The following CARM1 variants were observed in gnomAD, a reference collection of about 807,000 sequenced individuals.
The protein encoded by CARM1 is coactivator associated arginine methyltransferase 1, also known as histone-arginine methyltransferase CARM1.
In CARM1, 14 loss-of-function variants were observed where a neutral mutation model predicts 72.7. That is an observed-to-expected ratio of 0.19 (90% CI 0.13 to 0.30). The LOEUF (loss-of-function observed/expected upper bound fraction) is 0.30. Ranked by LOEUF, CARM1 falls within the 10% of genes least tolerant of loss-of-function variation. The probability of loss-of-function intolerance (pLI) is 1.00; values close to 1 mark genes in which losing one functional copy is unlikely to be tolerated. For synonymous variants in CARM1, 333 were observed against 345.5 expected (o/e 0.96, Z 0.40); for missense variants, 432 against 833.7 (o/e 0.52, Z 5.93).
At chr19:10,890,794 TA>T (rs1318998781) in intron 1 of CARM1, among the ~76,000 whole-genome samples, 911 of 80,190 alleles carry the variant, frequency 0.011, 18 homozygotes, top group African/African-American at 0.014. Flanking sequence ...TATATATATA[TA>T]TTTTTTTTTT....
intron 1 of CARM1, among the ~76,000 whole-genome samples, chr19:10,873,068 C>G (rs544962191): frequency 2.0e-4 from 31 of 152,220 alleles, no homozygotes; most frequent in African/African-American, 7.5e-4. Flanking sequence ...GAGCCTGGGT[C>G]TTCTTGGACC....
In CARM1 at chr19:10,873,709, G is replaced by A. The variant is rs539774325; in HGVS notation, c.220+1787G>A. 2.7e-3 allele frequency among the ~76,000 whole-genome samples: 329 copies of A among 121,868 alleles called. 6 individuals carry two copies. The South Asian group carries it at 0.056, about 21-fold the overall frequency. 80.0% of individuals were successfully genotyped at this position (121,868 alleles called of 152,430 possible). ...GGCTGAAGTGCAGTGGCTCAATCTC[G>A]GCTCACTGCAAGCTCTGCCACCTGG... On this transcript the variant is annotated intron_variant, in intron 1 of 15. Transcript: ENST00000327064.
rs1169565864 is a variant in CARM1, at chr19:10,873,624, G to GTTTTTTT, written c.220+1729_220+1735dup. Reference sequence around the variant, plus strand: ...TTTTTTTTAGAACAATTTTAGTTTAGTTTTTTTTTTTTTTTTTTTTTTTTT... The same window carrying GTTTTTTT: ...TTTTTTTTAGAACAATTTTAGTTTAGTTTTTTTTTTTTTTTTTTTTTTTTTTTTTTTT... On this transcript the variant is annotated intron_variant, in intron 1 of 15. Coordinates refer to ENST00000327064, the MANE Select transcript of CARM1 (RefSeq NM_199141.2). Among the ~76,000 whole-genome samples, 159 of 47,354 alleles carry GTTTTTTT rather than the reference G, an allele frequency of 3.4e-3. 10 individuals are homozygous for GTTTTTTT. The highest frequency in any genetic ancestry group is 6.3e-3 in the Admixed American group (17 of 2,678). 31.1% of individuals were successfully genotyped at this position (47,354 alleles called of 152,430 possible). A position where few individuals can be genotyped will look rare whatever the true frequency, so the allele number is the denominator to read the frequency against.
At chr19:10,888,890 C>T (rs1047662957) in intron 1 of CARM1, among the ~76,000 whole-genome samples, 4 of 151,864 alleles carry the variant, frequency 2.6e-5, no homozygotes, top group South Asian at 2.1e-4. Context: ...GGTTGCCCTT[C>T]GCACACCCCA....
rs186069859 is a variant in CARM1 at position 10,914,728 on chromosome 19, G to A, written c.847+674G>A. Among the ~76,000 whole-genome samples, 9 of 152,274 alleles carry A rather than the reference G, an allele frequency of 5.9e-5. No individual in the cohort carries two copies. In the East Asian group the frequency reaches 1.4e-3, roughly 23 times the overall value. ...GCACCACCACGCCCAGCTAAGTTTT[G>A]TATTTTTAGTAGAGATGGGGTTTCA... On this transcript the variant is annotated intron_variant, in intron 6 of 15. Coordinates refer to ENST00000327064, the MANE Select transcript of CARM1 (RefSeq NM_199141.2).
At chr19:10,900,402 C>T (rs1027589310) in intron 1 of CARM1, among the ~76,000 whole-genome samples, 1 of 152,190 alleles carries the variant, frequency 6.6e-6, no homozygotes, top group Non-Finnish European at 1.5e-5. Context: ...TCTCAGCCAC[C>T]AGCAGTGTGC....
At chr19:10,907,593 T>C (rs2074114610) in intron 2 of CARM1, among the ~76,000 whole-genome samples, 1 of 152,194 alleles carries the variant, frequency 6.6e-6, no homozygotes, top group African/African-American at 2.4e-5. Flanking sequence ...GCCTCTACTG[T>C]GCTTTTCTGT....
In CARM1 at chr19:10,920,958, C is replaced by T; in HGVS notation, c.1537+12C>T. 4 of 1,612,980 alleles carry T rather than the reference C, an allele frequency of 2.5e-6. No homozygotes were observed. The highest frequency in any genetic ancestry group is 3.4e-6 in the Non-Finnish European group (4 of 1,178,912). On this transcript the variant is annotated intron_variant, in intron 13 of 15. Coordinates refer to ENST00000327064, the MANE Select transcript of CARM1 (RefSeq NM_199141.2). This position sits in a 1 kb window ranked among gnomAD's most constrained non-coding sequence, Gnocchi z 5.3. ...GATGGCCGTGGCAGGTGAGCAGGGCCCACCCCAATGCCCAGCCAACCCGGG... is the reference window on the plus strand; with the variant it reads ...GATGGCCGTGGCAGGTGAGCAGGGCTCACCCCAATGCCCAGCCAACCCGGG...
chr19:10,912,087 C>CA lies in CARM1; in HGVS notation c.559-96dup. The CA allele has an allele frequency of 1.1e-6, 1 of 886,296 alleles. No individual in the cohort carries two copies. Among genetic ancestry groups the CA allele is most frequent in the Non-Finnish European group, 1.9e-6 (1 of 518,570 alleles). The allele number at this position is 886,296 out of a possible 1,614,324, so 54.9% of individuals were successfully genotyped here. Reference sequence around the variant, plus strand: ...AAAGGGCAAACATTGAGAGTGAAGACAGACGCCTCATGATGTGCACATCCC... The same window carrying CA: ...AAAGGGCAAACATTGAGAGTGAAGACAAGACGCCTCATGATGTGCACATCCC... On this transcript the variant is annotated intron_variant, in intron 4 of 15. Coordinates refer to ENST00000327064, the MANE Select transcript of CARM1 (RefSeq NM_199141.2). This position sits in a 1 kb window ranked among gnomAD's most constrained non-coding sequence, Gnocchi z 4.5.
intron 2 of CARM1, 23 bp downstream of exon 2, chr19:10,905,099 C>T (rs768505903): frequency 1.6e-5 from 26 of 1,610,222 alleles, no homozygotes; most frequent in East Asian, 6.7e-5. Flanking sequence ...CCTTCCATTC[C>T]GGTGACACCA....
At chr19:10,903,663 C>T (rs954138396) in intron 1 of CARM1, among the ~76,000 whole-genome samples, 8 of 151,710 alleles carry the variant, frequency 5.3e-5, no homozygotes, top group Admixed American at 2.6e-4. Context: ...TGGGCTCAAG[C>T]GATCCTCCCA....
At position 10,905,074 on chromosome 19, in the gene CARM1, A is replaced by G. The variant is rs746151376; in HGVS notation, c.344A>G (p.Asn115Ser). ...NSVLIQFATP[N>S]DFCSFYNILK... is the part of the protein sequence containing the mutation. ...GTCCTCATCCAGTTCGCCACACCCA[A>G]CGGTACGTGGCCCTCCTTCCATTCC... Residue 115 changes from asparagine to serine, a missense_variant and splice_region_variant, in exon 2 of 16, where the codon AAC becomes AGC. Physicochemically the swap from Asn to Ser is conservative, Grantham distance 46. Coordinates refer to ENST00000327064, the MANE Select transcript of CARM1 (RefSeq NM_199141.2). 16 of 1,613,352 alleles carry G rather than the reference A, an allele frequency of 9.9e-6. No homozygotes were observed. The highest frequency in any genetic ancestry group is 1.4e-5 in the Non-Finnish European group (16 of 1,179,898).
chr19:10,871,911 C>A lies in CARM1; in HGVS notation c.209C>A (p.Ala70Asp). The change falls in exon 1 of 16, where the codon GCC becomes GAC. Residue 70 changes from alanine (A) to aspartate (D), a missense_variant. By Grantham distance (126) the Ala-to-Asp change is moderately radical. Around this residue, in one of 3 missense-constraint regions of CARM1, gnomAD observed 138 missense variants for 192.3 expected, o/e 0.72. Transcript: ENST00000327064. The surrounding 1 kb of genome is among the most constrained non-coding windows in gnomAD (Gnocchi z 5.6). Reference sequence around the variant, plus strand: ...GCCGGCCCGGACTCGGCGGGCATCGCCCTCTACAGCCGTGAGTACGGGGCC... The same window carrying A: ...GCCGGCCCGGACTCGGCGGGCATCGACCTCTACAGCCGTGAGTACGGGGCC... ...VRAGPDSAGI[A>D]LYSHEDVCVF... 1 of 1,213,254 alleles carries A rather than the reference C, an allele frequency of 8.2e-7. No homozygotes were observed. Among genetic ancestry groups the A allele is most frequent in the South Asian group, 3.1e-5 (1 of 32,402 alleles). The allele number at this position is 1,213,254 out of a possible 1,614,324, so 75.2% of individuals were successfully genotyped here.
intron 1 of CARM1, among the ~76,000 whole-genome samples, chr19:10,886,968 G>T (rs568937418): frequency 6.6e-6 from 1 of 152,216 alleles, no homozygotes; most frequent in African/African-American, 2.4e-5. Context: ...TCCTGCCTCG[G>T]TGTCCCGAGG....
At chr19:10,883,465 C>G (rs2073916977) in intron 1 of CARM1, among the ~76,000 whole-genome samples, 1 of 152,200 alleles carries the variant, frequency 6.6e-6, no homozygotes, top group Admixed American at 6.5e-5. Flanking sequence ...GCTTGGGGAG[C>G]TTCACGTTTC....
rs1169565864 is a variant in CARM1, at chr19:10,873,624, GTTTTTTTTTTTTTTTTTTTTT to G, written c.220+1715_220+1735del. ...TTTTTTTTAGAACAATTTTAGTTTA[GTTTTTTTTTTTTTTTTTTTTT>G]TTTTTTTTTTTTGAGACAGAGTCTT... is the stretch of plus-strand genomic sequence containing the variant. On this transcript the variant is annotated intron_variant, in intron 1 of 15. Transcript: ENST00000327064. Among the ~76,000 whole-genome samples the G allele has an allele frequency of 4.0e-4, 19 of 47,348 alleles. 1 individual carries two copies. Among genetic ancestry groups the G allele is most frequent in the Middle Eastern group, 0.029 (1 of 34 alleles). The allele number at this position is 47,348 out of a possible 152,430, so 31.1% of individuals were successfully genotyped here.
chr19:10,916,741 T>G lies in CARM1; in HGVS notation c.984T>G (p.Gly328=), dbSNP rs1298460516. 6.4e-7 allele frequency: 1 copy of G among 1,552,768 alleles called. No individual in the cohort carries two copies. The highest frequency in any genetic ancestry group is 8.7e-7 in the Non-Finnish European group (1 of 1,148,080). The change falls in exon 8 of 16, where the codon GGT becomes GGG. Residue 328 remains glycine, a synonymous_variant. Coordinates refer to ENST00000327064, the MANE Select transcript of CARM1 (RefSeq NM_199141.2). This position sits in a 1 kb window ranked among gnomAD's most constrained non-coding sequence, Gnocchi z 4.4. ...FHGVDLSALR[G]AAVDEYFRQP... is the part of the protein sequence containing the mutation. ...GAGTGGACCTGTCGGCCCTCCGAGG[T>G]GCCGCGGTGGATGAGTATTTCCGGC...
At chr19:10,873,463 G>C (rs550495525) in intron 1 of CARM1, among the ~76,000 whole-genome samples, 1 of 151,564 alleles carries the variant, frequency 6.6e-6, no homozygotes, top group African/African-American at 2.4e-5. Flanking sequence ...GTGGTGACAT[G>C]TGCCTGTCCC....
intron 1 of CARM1, among the ~76,000 whole-genome samples, chr19:10,888,446 C>T (rs1016582640): frequency 7.2e-5 from 11 of 152,162 alleles, no homozygotes; most frequent in African/African-American, 2.7e-4. Flanking sequence ...CTAAGGTCGA[C>T]CTGGAGGGTG....
Sources: gnomAD v4.1 joint callset for allele counts (sites outside exome capture counted in the v4.1 genomes callset) on GRCh38, gnomAD v4.1.1 for gene constraint, gnomAD v4.1.1 regional missense constraint, Gnocchi (gnomAD v3.1) non-coding constraint, MANE v1.5 for transcripts, NCBI Gene and HGNC (gene_info 2026-07-23, HGNC 2026-07-21) for gene names.